The following HIF1A variants were observed in gnomAD, a reference collection of about 807,000 sequenced individuals.
HIF1A encodes the protein hypoxia-inducible factor 1-alpha.
Under a neutral mutation model 92.7 loss-of-function variants are expected in HIF1A, and 24 were observed. That is an observed-to-expected ratio of 0.26 (90% CI 0.19 to 0.36). The LOEUF is 0.36. Ranked by LOEUF, HIF1A falls within the 10% of genes least tolerant of loss-of-function variation. HIF1A has a pLI of 1.00. For synonymous variants in HIF1A, 319 were observed against 338.7 expected, an observed-to-expected ratio of 0.94 and a Z score of 0.64; for missense variants, 799 against 998.5, an observed-to-expected ratio of 0.80 and a Z score of 2.69.
chr14:61,716,225 ACTGGCAGAGAC>A (rs1449160728), intron 1 of HIF1A, among the ~76,000 whole-genome samples: 1 of 4,770 alleles, frequency 2.1e-4, no homozygotes, highest in African/African-American at 2.5e-4. Flanking sequence ...ACATTCATGA[ACTGGCAGAGAC>A]AAAAATGGGC....
At chr14:61,712,813 C>G (rs866587475) in intron 1 of HIF1A, among the ~76,000 whole-genome samples, 14 of 151,338 alleles carry the variant, frequency 9.3e-5, no homozygotes, top group African/African-American at 2.7e-4. Flanking sequence ...GTCAAACTTA[C>G]GCACATCACT....
At chr14:61,715,029 C>T (rs545429795) in intron 1 of HIF1A, among the ~76,000 whole-genome samples, 5 of 151,334 alleles carry the variant, frequency 3.3e-5, no homozygotes, top group Admixed American at 6.6e-5. Flanking sequence ...GGTGAAATGC[C>T]GTCTCAGGAA....
chr14:61,711,355 C>A (rs1477899914), intron 1 of HIF1A, among the ~76,000 whole-genome samples: 1 of 151,950 alleles, frequency 6.6e-6, no homozygotes, highest in African/African-American at 2.4e-5. Flanking sequence ...CAGGAGTGCA[C>A]CATTACACTC....
rs2044105115 is a variant in HIF1A at position 61,695,751 on chromosome 14, C to T, written c.-54C>T. ...GTGTGGAGGGAGCCAGCGCTTAGGCCGGAGCGAGCCTGGGGGCCGCCCGCC... is the reference window on the plus strand; with the variant it reads ...GTGTGGAGGGAGCCAGCGCTTAGGCTGGAGCGAGCCTGGGGGCCGCCCGCC... On this transcript the variant is annotated 5_prime_UTR_variant, in exon 1 of 15. Coordinates refer to ENST00000337138, the MANE Select transcript of HIF1A (RefSeq NM_001530.4). 1.3e-6 allele frequency: 2 copies of T among 1,557,920 alleles called. No individual in the cohort carries two copies. Among genetic ancestry groups the T allele is most frequent in the South Asian group, 2.4e-5 (2 of 84,840 alleles).
chr14:61,745,476 A>G (rs759689597), intron 13 of HIF1A: 3 of 559,496 alleles, frequency 5.4e-6, no homozygotes, highest in African/African-American at 1.9e-5. Flanking sequence ...GGTATAATAC[A>G]TTCTGATATT....
chr14:61,718,608 C>T (rs1052556470), intron 1 of HIF1A, among the ~76,000 whole-genome samples: 29 of 152,084 alleles, frequency 1.9e-4, no homozygotes, highest in African/African-American at 6.5e-4. Context: ...AAATTGAAAA[C>T]ATTTACAGAG....
chr14:61,732,705 A>T (rs2044591068), intron 7 of HIF1A, among the ~76,000 whole-genome samples, 181 bp downstream of exon 7: 1 of 152,246 alleles, frequency 6.6e-6, no homozygotes, highest in Non-Finnish European at 1.5e-5. Flanking sequence ...TATCAGTAAA[A>T]ATAGAATCAT....
At chr14:61,731,349 A>G (rs897120425) in intron 6 of HIF1A, among the ~76,000 whole-genome samples, 4 of 152,148 alleles carry the variant, frequency 2.6e-5, no homozygotes, top group African/African-American at 9.6e-5. Context: ...TCCTCATGTC[A>G]TGGTTGCCAT....
At position 61,695,810 on chromosome 14, in the gene HIF1A, G is replaced by A. The variant is rs1566556739; in HGVS notation, c.6G>A (p.Glu2=). The A allele has an allele frequency of 6.3e-7, 1 of 1,596,326 alleles. No homozygotes were observed. Among genetic ancestry groups the A allele is most frequent in the Non-Finnish European group, 8.5e-7 (1 of 1,173,100 alleles). The change falls in exon 1 of 15, where the codon GAG becomes GAA. Residue 2 remains glutamate, a synonymous_variant. Coordinates refer to ENST00000337138, the MANE Select transcript of HIF1A (RefSeq NM_001530.4). ...ATCGCGGGGACCGATTCACCATGGA[G>A]GGCGCCGGCGGCGCGAACGACAAGA... M[E]GAGGANDKKK...
rs1437819088 is a variant in HIF1A, at chr14:61,712,918, G to C, written c.36-7464G>C. On this transcript the variant is annotated intron_variant, in intron 1 of 14. Coordinates refer to ENST00000337138, the MANE Select transcript of HIF1A (RefSeq NM_001530.4). ...ATTAATATAGCCAAATAACTAGAGT[G>C]ATCAGTTCTACCAGAGAGGACCAGT... 6.7e-5 allele frequency among the ~76,000 whole-genome samples: 10 copies of C among 148,516 alleles called. No homozygotes were observed. In the Admixed American group the frequency reaches 6.7e-4, roughly 10 times the overall value.
intron 1 of HIF1A, chr14:61,717,107 A>T (rs1360951340): frequency 6.6e-6 from 1 of 152,226 alleles, no homozygotes; most frequent in Admixed American, 6.5e-5. Context: ...TCTGATCTAC[A>T]TATCTTCTGT....
At chr14:61,745,390 T>C (rs1349068932) in intron 13 of HIF1A, among the ~76,000 whole-genome samples, 1 of 152,182 alleles carries the variant, frequency 6.6e-6, no homozygotes, top group Non-Finnish European at 1.5e-5. Context: ...GCCACTGCAC[T>C]CCAGCCTGGG....
rs1420919355 is a variant in HIF1A at position 61,737,245 on chromosome 14, A to T, written c.1249+136A>T. Reference sequence around the variant, plus strand: ...TAATATATGTTTATAGTTTTCTTAAATGTATTTGCTTAAATATTTTTGCCC... The same window carrying T: ...TAATATATGTTTATAGTTTTCTTAATTGTATTTGCTTAAATATTTTTGCCC... On this transcript the variant is annotated intron_variant, in intron 9 of 14. Coordinates refer to ENST00000337138, the MANE Select transcript of HIF1A (RefSeq NM_001530.4). 15 of 640,550 alleles carry T rather than the reference A, an allele frequency of 2.3e-5. No individual in the cohort carries two copies. The African/African-American group carries it at 2.4e-4, about 10-fold the overall frequency. The allele number at this position is 640,550 out of a possible 1,614,324, so 39.7% of individuals were successfully genotyped here.
Position 61,721,509 on chromosome 14 carries a change from G to A in HIF1A, c.227G>A (p.Gly76Asp). The change falls in exon 3 of 15, where the codon GGT (glycine) becomes GAT (aspartate). Residue 76 changes from glycine (G) to aspartate (D), a missense_variant and splice_region_variant. Coordinates refer to ENST00000337138, the MANE Select transcript of HIF1A (RefSeq NM_001530.4). ...TTTCCTCTTCTTGTGCCCTTTTTAGGTGATTTGGATATTGAAGATGACATG... is the reference window on the plus strand; with the variant it reads ...TTTCCTCTTCTTGTGCCCTTTTTAGATGATTTGGATATTGAAGATGACATG... ...YLRVRKLLDAGDLDIEDDMKA... is the reference protein window; with the variant it reads ...YLRVRKLLDADDLDIEDDMKA... The A allele has an allele frequency of 6.2e-7, 1 of 1,610,748 alleles. No homozygotes were observed. The highest frequency in any genetic ancestry group is 8.5e-7 in the Non-Finnish European group (1 of 1,177,920).
Position 61,741,208 on chromosome 14 carries a change from AAGTTAT to A in HIF1A, c.2093+25_2093+30del. 6.7e-7 allele frequency: 1 copy of A among 1,481,960 alleles called. No individual in the cohort carries two copies. Among genetic ancestry groups the A allele is most frequent in the Non-Finnish European group, 9.2e-7 (1 of 1,087,490 alleles). The allele number at this position is 1,481,960 out of a possible 1,614,324, so 91.8% of individuals were successfully genotyped here. On this transcript the variant is annotated intron_variant, in intron 12 of 14. Coordinates refer to ENST00000337138, the MANE Select transcript of HIF1A (RefSeq NM_001530.4). ...TCAAAGGTATTTATATGTAACATTC[AAGTTAT>A]AGTTCTTTTATTATTTTTGAGATAA...
intron 4 of HIF1A, 91 bp downstream of exon 4, chr14:61,721,914 AC>A: frequency 1.2e-6 from 1 of 802,744 alleles, no homozygotes; most frequent in Non-Finnish European, 2.1e-6. Context: ...TATTGTACTT[AC>A]CCAAGGCAAA....
chr14:61,706,042 C>T lies in HIF1A; in HGVS notation c.35+10203C>T, dbSNP rs113200378. Among the ~76,000 whole-genome samples, 482 of 152,216 alleles carry T rather than the reference C, an allele frequency of 3.2e-3. 5 individuals carry two copies. The highest frequency in any genetic ancestry group is 0.011 in the African/African-American group (452 of 41,546). On this transcript the variant is annotated intron_variant, in intron 1 of 14. Coordinates refer to ENST00000337138, the MANE Select transcript of HIF1A (RefSeq NM_001530.4). ...CAAATAATTATTTCAAGGACACATT[C>T]TTCTACATACACACAAAGTTTAGGG...
At chr14:61,701,523 T>C (rs1383676783) in intron 1 of HIF1A, among the ~76,000 whole-genome samples, 1 of 151,974 alleles carries the variant, frequency 6.6e-6, no homozygotes, top group Non-Finnish European at 1.5e-5. Flanking sequence ...TGGTTAAAAA[T>C]AAGGTTTAAA....
intron 1 of HIF1A, among the ~76,000 whole-genome samples, chr14:61,697,192 C>T (rs1414952569): frequency 1.3e-5 from 2 of 152,088 alleles, no homozygotes; most frequent in Non-Finnish European, 2.9e-5. Context: ...GGTCCTTCTT[C>T]AATAGAATAT....
Sources: gnomAD v4.1 joint callset for allele counts (sites outside exome capture counted in the v4.1 genomes callset) on GRCh38, gnomAD v4.1.1 for gene constraint, MANE v1.5 for transcripts, NCBI Gene and HGNC (gene_info 2026-07-23, HGNC 2026-07-21) for gene names.